The following SLCO1B3 variants were observed in gnomAD, a reference collection of about 807,000 sequenced individuals.
SLCO1B3 encodes the protein solute carrier organic anion transporter family member 1B3.
Under a neutral mutation model 71.8 loss-of-function variants are expected in SLCO1B3, and 72 were observed. The ratio of observed to expected loss-of-function variants is 1.00; its 90% CI spans 0.83 to 1.22. The LOEUF (loss-of-function observed/expected upper bound fraction) is 1.22. Among genes scored for constraint, SLCO1B3 ranks in the 50% most tolerant of loss-of-function variants. The pLI is 0.00. For missense variants in SLCO1B3, 911 were observed against 819.7 expected (o/e 1.11, Z -1.36); for synonymous variants, 298 against 278.4 (o/e 1.07, Z -0.70).
chr12:20,907,184 T>A (rs1187096557), intron 15 of SLCO1B3, among the ~76,000 whole-genome samples: 1 of 152,122 alleles, frequency 6.6e-6, no homozygotes, highest in Non-Finnish European at 1.5e-5. Flanking sequence ...TCAGGTTAGA[T>A]CTCTGGTGAA....
At chr12:20,847,075 C>T (rs1211322938) in intron 3 of SLCO1B3, among the ~76,000 whole-genome samples, 9 of 152,088 alleles carry the variant, frequency 5.9e-5, no homozygotes, top group African/African-American at 9.7e-5. Context: ...GTGAAGCTAG[C>T]ACTTCATGTT....
intron 8 of SLCO1B3, among the ~76,000 whole-genome samples, chr12:20,870,234 C>T (rs979597825): frequency 9.2e-5 from 14 of 152,074 alleles, no homozygotes; most frequent in African/African-American, 3.1e-4. Flanking sequence ...TAGAAATTAA[C>T]ACCTTATCAC....
At chr12:20,834,925 T>G (rs1864643870) in intron 3 of SLCO1B3, among the ~76,000 whole-genome samples, 1 of 152,190 alleles carries the variant, frequency 6.6e-6, no homozygotes, top group African/African-American at 2.4e-5. Context: ...ACTGCCATAC[T>G]GAAATTTCTC....
At chr12:20,909,200 C>G (rs1186117552) in intron 15 of SLCO1B3, among the ~76,000 whole-genome samples, 2 of 141,496 alleles carry the variant, frequency 1.4e-5, no homozygotes, top group African/African-American at 5.3e-5. Context: ...GAGTATCACT[C>G]TGTCGCCCAG....
At chr12:20,852,543 G>A (rs574528475) in intron 3 of SLCO1B3, among the ~76,000 whole-genome samples, 1 of 152,248 alleles carries the variant, frequency 6.6e-6, no homozygotes, top group African/African-American at 2.4e-5. Flanking sequence ...TGGATAGTAT[G>A]GATGTTTTAA....
At chr12:20,823,015 C>T (rs967324008) in intron 3 of SLCO1B3, among the ~76,000 whole-genome samples, 1 of 151,924 alleles carries the variant, frequency 6.6e-6, no homozygotes, top group Non-Finnish European at 1.5e-5. Flanking sequence ...ACCAATAGAT[C>T]CCACGTTATT....
At chr12:20,884,407 T>C (rs1865752540) in intron 13 of SLCO1B3, among the ~76,000 whole-genome samples, 1 of 152,102 alleles carries the variant, frequency 6.6e-6, no homozygotes, top group African/African-American at 2.4e-5. Context: ...GAAGTGACAT[T>C]ATATCTAAAG....
At chr12:20,902,538 A>G (rs1866149837) in intron 15 of SLCO1B3, among the ~76,000 whole-genome samples, 1 of 152,214 alleles carries the variant, frequency 6.6e-6, no homozygotes, top group African/African-American at 2.4e-5. Context: ...AACAATAGAC[A>G]CTGGAGCCTA....
At chr12:20,885,490 C>T (rs1299168469) in intron 13 of SLCO1B3, among the ~76,000 whole-genome samples, 2 of 142,828 alleles carry the variant, frequency 1.4e-5, no homozygotes, top group Non-Finnish European at 3.1e-5. Flanking sequence ...ATATGTAAAA[C>T]AGGGTAAATG....
At position 20,862,472 on chromosome 12, in the gene SLCO1B3, G is replaced by A. The variant is rs180875376; in HGVS notation, c.542G>A (p.Arg181His). The A allele has an allele frequency of 1.7e-4, 267 of 1,613,130 alleles. 1 individual carries two copies. The highest frequency in any genetic ancestry group is 4.0e-4 in the Admixed American group (24 of 59,948). Residue 181 changes from arginine to histidine, a missense_variant, in exon 7 of 16, where the codon CGT (arginine) becomes CAT (histidine). Physicochemically the swap from Arg to His is conservative, Grantham distance 29. Coordinates refer to ENST00000381545, the MANE Select transcript of SLCO1B3 (RefSeq NM_019844.4). ...TATGTCTTCATGGGGAATATGCTTC[G>A]TGGCATAGGGGAAACCCCCATAGTA... ...WIYVFMGNML[R>H]GIGETPIVPL...
Position 20,879,207 on chromosome 12 carries a change from T to C in SLCO1B3, c.1136-229T>C, listed in dbSNP as rs997632783. 2.9e-5 allele frequency among the ~76,000 whole-genome samples: 4 copies of C among 136,088 alleles called. No homozygotes were observed. In the Admixed American group the frequency reaches 3.0e-4, roughly 10 times the overall value. The allele number at this position is 136,088 out of a possible 152,430, so 89.3% of individuals were successfully genotyped here. ...ACCCTAGTGTGCCACCCTTCTCTCTTTTTTTTTTTTTTTTTTTTTGAGATG... is the reference window on the plus strand; with the variant it reads ...ACCCTAGTGTGCCACCCTTCTCTCTCTTTTTTTTTTTTTTTTTTTGAGATG... On this transcript the variant is annotated intron_variant, in intron 10 of 15. Transcript: ENST00000381545.
In SLCO1B3 at chr12:20,858,502, T is replaced by C. The variant is rs982213385; in HGVS notation, c.290T>C (p.Ile97Thr). 14 of 1,596,024 alleles carry C rather than the reference T, an allele frequency of 8.8e-6. No individual in the cohort carries two copies. In the African/African-American group the frequency reaches 1.7e-4, roughly 20 times the overall value. Residue 97 changes from isoleucine (I) to threonine (T), a missense_variant, in exon 5 of 16, where the codon ATT (isoleucine) becomes ACT (threonine). By Grantham distance (89) the Ile-to-Thr change is moderately conservative (BLOSUM62 -1). Transcript: ENST00000381545. ...TCTAAACTACACAGACCGAAGTTAATTGGAATTGGTTGTCTCCTTATGGGA... is the reference window on the plus strand; with the variant it reads ...TCTAAACTACACAGACCGAAGTTAACTGGAATTGGTTGTCTCCTTATGGGA... ...FGSKLHRPKL[I>T]GIGCLLMGTG...
chr12:20,817,737 G>A (rs904775594), intron 3 of SLCO1B3, among the ~76,000 whole-genome samples: 9 of 151,526 alleles, frequency 5.9e-5, no homozygotes, highest in Admixed American at 2.0e-4. Flanking sequence ...ACAGGCACCC[G>A]CCACCACACC....
chr12:20,869,863 C>G (rs1218642715), intron 8 of SLCO1B3, among the ~76,000 whole-genome samples: 1 of 152,126 alleles, frequency 6.6e-6, no homozygotes, highest in Admixed American at 6.5e-5. Flanking sequence ...AGTGAGATTG[C>G]TCCATCATAT....
chr12:20,890,716 T>C (rs111435798), intron 13 of SLCO1B3, among the ~76,000 whole-genome samples: 146 of 152,306 alleles, frequency 9.6e-4, no homozygotes, highest in African/African-American at 3.4e-3. Flanking sequence ...TGGGTTTATA[T>C]GTTTGGAATT....
intron 8 of SLCO1B3, among the ~76,000 whole-genome samples, chr12:20,865,977 C>T (rs1019706528): frequency 6.6e-6 from 1 of 152,014 alleles, no homozygotes; most frequent in Non-Finnish European, 1.5e-5. Flanking sequence ...ATTTAAAATG[C>T]CATGTGTCAT....
At chr12:20,860,048 C>T (rs563659060) in intron 5 of SLCO1B3, among the ~76,000 whole-genome samples, 96 of 151,598 alleles carry the variant, frequency 6.3e-4, no homozygotes, top group Admixed American at 1.9e-3. Context: ...CCCCGCCTCC[C>T]GGGTTCACAC....
intron 3 of SLCO1B3, among the ~76,000 whole-genome samples, chr12:20,854,813 G>A (rs1251028270): frequency 6.6e-6 from 1 of 152,098 alleles, no homozygotes; most frequent in Non-Finnish European, 1.5e-5. Context: ...TCTAGCAATC[G>A]AATGTTGTAA....
At chr12:20,861,746 G>GA (rs4149161) in intron 6 of SLCO1B3, among the ~76,000 whole-genome samples, 10 of 151,638 alleles carry the variant, frequency 6.6e-5, no homozygotes, top group African/African-American at 2.4e-4. Flanking sequence ...TGAAGTGGAG[G>GA]AAAAAAAATG....
Sources: gnomAD v4.1 joint callset for allele counts (sites outside exome capture counted in the v4.1 genomes callset) on GRCh38, gnomAD v4.1.1 for gene constraint, MANE v1.5 for transcripts, NCBI Gene and HGNC (gene_info 2026-07-23, HGNC 2026-07-21) for gene names.